Variants in PDE4DIP observed in about 807,000 individuals in gnomAD.
PDE4DIP encodes the protein myomegalin.
A neutral mutation model predicts 221.4 loss-of-function variants in PDE4DIP; 59 were observed. The observed-to-expected ratio is 0.27, with a 90% CI of 0.22 to 0.33. The LOEUF (loss-of-function observed/expected upper bound fraction) is 0.33. Ranked by LOEUF, PDE4DIP falls within the 10% of genes least tolerant of loss-of-function variation. The probability of loss-of-function intolerance (pLI) is 1.00; values close to 1 mark genes in which losing one functional copy is unlikely to be tolerated. For missense variants in PDE4DIP, 1,036 were observed against 2,154.2 expected (o/e 0.48, Z 10.28); for synonymous variants, 404 against 815.9 (o/e 0.50, Z 8.60).
At chr1:148,963,696 C>T (rs1413076747) in intron 9 of PDE4DIP, among the ~76,000 whole-genome samples, 5 of 150,176 alleles carry the variant, frequency 3.3e-5, no homozygotes, top group Admixed American at 6.6e-5. Flanking sequence ...AATAAATATA[C>T]GATTCTTTTC....
At chr1:148,963,841 C>T (rs1468617211) in intron 9 of PDE4DIP, among the ~76,000 whole-genome samples, 1 of 141,092 alleles carries the variant, frequency 7.1e-6, no homozygotes, top group Non-Finnish European at 1.5e-5. Flanking sequence ...GCAAGCTCCG[C>T]CTCTCGGGTT....
chr1:148,956,003 G>T (rs1212325508), intron 5 of PDE4DIP, among the ~76,000 whole-genome samples: 1 of 152,076 alleles, frequency 6.6e-6, no homozygotes, highest in Non-Finnish European at 1.5e-5. Context: ...AAATAAAATG[G>T]GCGGTGTATC....
At chr1:148,979,187 A>G (rs1553540191) in intron 19 of PDE4DIP, among the ~76,000 whole-genome samples, 1 of 151,890 alleles carries the variant, frequency 6.6e-6, no homozygotes, top group Non-Finnish European at 1.5e-5. Context: ...CTCACTAACT[A>G]CTCACCCCAC....
At chr1:149,010,540 C>T (rs782150534) in exon 31 of PDE4DIP, 183 of 1,613,934 alleles carry the variant, frequency 1.1e-4, no homozygotes, top group Non-Finnish European at 1.5e-4. Context: ...ACAGCAACCC[C>T]ATCAGCTTGC....
intron 22 of PDE4DIP, among the ~76,000 whole-genome samples, chr1:148,994,594 A>G: frequency 6.6e-6 from 1 of 152,118 alleles, no homozygotes; most frequent in South Asian, 2.1e-4. Context: ...ATATATATAT[A>G]TACACACAAA....
intron 20 of PDE4DIP, among the ~76,000 whole-genome samples, chr1:148,980,801 G>A (rs1259037974): frequency 1.3e-5 from 2 of 152,146 alleles, no homozygotes; most frequent in African/African-American, 4.8e-5. Flanking sequence ...TAGTTTTTAT[G>A]AACCAGATTC....
intron 19 of PDE4DIP, among the ~76,000 whole-genome samples, chr1:148,978,642 G>C (rs1373168909): frequency 6.6e-6 from 1 of 151,906 alleles, no homozygotes; most frequent in African/African-American, 2.4e-5. Flanking sequence ...GAGTGCAGTG[G>C]TATGATCACA....
chr1:148,892,337 G>A lies in PDE4DIP; in HGVS notation c.141+2443G>A, dbSNP rs1778599. On this transcript the variant is annotated intron_variant, in intron 1 of 43. Coordinates refer to ENST00000369354, the Ensembl canonical transcript of PDE4DIP. ...TAAAGCTGAATCAGATGGCTGTCTG[G>A]ATCATTTGATCTCACTCTCTGCTCC... Among the ~76,000 whole-genome samples the A allele has an allele frequency of 1.9e-4, 23 of 122,226 alleles. 6 individuals carry two copies. Among genetic ancestry groups the A allele is most frequent in the East Asian group, 1.0e-3 (2 of 1,998 alleles). The allele number at this position is 122,226 out of a possible 152,430, so 80.2% of individuals were successfully genotyped here. A position where few individuals can be genotyped will look rare whatever the true frequency, so the allele number is the denominator to read the frequency against.
chr1:148,923,411 C>G (rs1249462436), intron 1 of PDE4DIP, among the ~76,000 whole-genome samples: 2 of 149,966 alleles, frequency 1.3e-5, no homozygotes, highest in Non-Finnish European at 3.0e-5. Context: ...AAAGCTTTTA[C>G]TGCACAAAGA....
chr1:148,980,426 A>T (rs1425733345), intron 20 of PDE4DIP, among the ~76,000 whole-genome samples: 3 of 152,210 alleles, frequency 2.0e-5, no homozygotes, highest in African/African-American at 7.2e-5. Flanking sequence ...TATAATGGGC[A>T]CTGATATTCA....
chr1:148,991,546 A>T (rs2063057823), intron 21 of PDE4DIP: 1 of 984,590 alleles, frequency 1.0e-6, no homozygotes, highest in Middle Eastern at 5.2e-4. Flanking sequence ...TATGGAAGAG[A>T]AAGTTTTTAT....
chr1:148,978,371 G>A (rs2060548904), exon 19 of PDE4DIP: 1 of 1,611,960 alleles, frequency 6.2e-7, no homozygotes, highest in African/African-American at 1.3e-5. Context: ...AGTTGCTTCA[G>A]TAGAATCCCA....
chr1:148,996,572 C>T (rs1447714415), intron 22 of PDE4DIP, among the ~76,000 whole-genome samples: 1 of 152,046 alleles, frequency 6.6e-6, no homozygotes, highest in Non-Finnish European at 1.5e-5. Context: ...AAGGATCTTT[C>T]TTCTTTGACC....
intron 36 of PDE4DIP, 64 bp downstream of exon 39, chr1:149,020,400 C>A (rs655052): frequency 0.033 from 6,193 of 188,096 alleles, 503 homozygotes; most frequent in African/African-American, 0.17. Flanking sequence ...TCTTACATTA[C>A]AAGAGGAAGG....
chr1:148,979,664 A>T, intron 19 of PDE4DIP, 73 bp from the exon 23 acceptor site: 2 of 1,362,696 alleles, frequency 1.5e-6, no homozygotes, highest in Admixed American at 3.4e-5. Flanking sequence ...GTACATGCTA[A>T]TGCATTTTCT....
chr1:148,902,009 GC>G (rs1246149450), intron 1 of PDE4DIP, among the ~76,000 whole-genome samples: 1 of 92,086 alleles, frequency 1.1e-5, no homozygotes, highest in Non-Finnish European at 2.0e-5. Context: ...CCCTGGCATA[GC>G]CTCAGGAAGT....
At chr1:148,985,412 C>G (rs1297350873) in intron 21 of PDE4DIP, 2 of 152,088 alleles carry the variant, frequency 1.3e-5, no homozygotes, top group African/African-American at 4.8e-5. Flanking sequence ...ATTTAAGCCA[C>G]CTTCTCACCC....
At position 149,024,704 on chromosome 1, in the gene PDE4DIP, TAGAA is replaced by T. The variant is rs1553625418; in HGVS notation, c.6325+23_6325+26del. 1.7e-6 allele frequency: 1 copy of T among 597,330 alleles called. No homozygotes were observed. Among genetic ancestry groups the T allele is most frequent in the Admixed American group, 3.1e-5 (1 of 32,410 alleles). 37.0% of individuals were successfully genotyped at this position (597,330 alleles called of 1,614,324 possible). A position where few individuals can be genotyped will look rare whatever the true frequency, so the allele number is the denominator to read the frequency against. On this transcript the variant is annotated intron_variant, in intron 38 of 43. Transcript: ENST00000369354. ...TCCAAGGTAGGAAGGAAAAGGGACT[TAGAA>T]AGCCCTTGGCCAGTGGGGAGATCAC...
chr1:148,978,716 G>A lies in PDE4DIP; in HGVS notation c.2574+301G>A, dbSNP rs1321448245. On this transcript the variant is annotated intron_variant, in intron 19 of 43. Transcript: ENST00000369354. ...TCCTGCCTCAGCCTCCTGAGTAGCTGGAGCTGCAGGTGCACACCACCACGC... is the reference window on the plus strand; with the variant it reads ...TCCTGCCTCAGCCTCCTGAGTAGCTAGAGCTGCAGGTGCACACCACCACGC... 2.0e-5 allele frequency among the ~76,000 whole-genome samples: 3 copies of A among 151,842 alleles called. No homozygotes were observed. The East Asian group carries it at 5.8e-4, about 29-fold the overall frequency.
Sources: allele counts gnomAD v4.1 joint callset (sites outside exome capture counted in the v4.1 genomes callset), GRCh38; gene constraint gnomAD v4.1.1; transcripts MANE v1.5; gene names NCBI Gene and HGNC (gene_info 2026-07-23, HGNC 2026-07-21).